Variants in ISLR2 observed in about 807,000 individuals in gnomAD.
ISLR2 encodes the protein immunoglobulin superfamily containing leucine-rich repeat protein 2.
ISLR2 carries 16 observed loss-of-function variants against 25.5 expected under a neutral mutation model. The ratio of observed to expected loss-of-function variants is 0.63; its 90% confidence interval spans 0.43 to 0.95. The LOEUF (loss-of-function observed/expected upper bound fraction) is 0.95. ISLR2 is among the 40% of genes least tolerant of loss of function. The pLI, the probability that ISLR2 is intolerant of heterozygous loss-of-function variation, is 0.00. For missense variants in ISLR2, 883 were observed against 1,030.7 expected (o/e 0.86, Z 1.96); for synonymous variants, 508 against 486.6 (o/e 1.04, Z -0.58).
chr15:74,116,303 G>C (rs1424733179), intron 2 of ISLR2, among the ~76,000 whole-genome samples: 1 of 150,864 alleles, frequency 6.6e-6, no homozygotes, highest in South Asian at 2.1e-4. Flanking sequence ...GCTCACGCCT[G>C]TAATCATGCC....
chr15:74,138,562 T>C (rs946604992), downstream of ISLR2: 1 of 152,572 alleles, frequency 6.6e-6, no homozygotes, highest in Non-Finnish European at 1.5e-5. Context: ...AGAAGAGTTC[T>C]ACTTGAAAGA....
chr15:74,121,817 CT>C (rs1475159192), intron 2 of ISLR2, among the ~76,000 whole-genome samples: 1 of 152,216 alleles, frequency 6.6e-6, no homozygotes, highest in Non-Finnish European at 1.5e-5. Flanking sequence ...GTTCTCCTCC[CT>C]CCAGATCTCT....
At chr15:74,108,568 A>G (rs1302402011) in intron 2 of ISLR2, among the ~76,000 whole-genome samples, 1 of 152,200 alleles carries the variant, frequency 6.6e-6, no homozygotes, top group Non-Finnish European at 1.5e-5. Context: ...TTTCCTGTGA[A>G]AAGTGAAACT....
chr15:74,109,334 C>G (rs2072147692), intron 2 of ISLR2, among the ~76,000 whole-genome samples: 1 of 151,888 alleles, frequency 6.6e-6, no homozygotes, highest in Admixed American at 6.6e-5. Context: ...TTGGGCAAGT[C>G]TCTCCCTCCT....
chr15:74,105,538 G>A (rs1408379443), intron 2 of ISLR2, among the ~76,000 whole-genome samples: 4 of 117,672 alleles, frequency 3.4e-5, no homozygotes, highest in South Asian at 3.6e-4. Flanking sequence ...CAGTCAGCAC[G>A]GATCTGCTCC....
chr15:74,111,711 C>G (rs1401072991), intron 2 of ISLR2, among the ~76,000 whole-genome samples: 1 of 152,096 alleles, frequency 6.6e-6, no homozygotes, highest in Non-Finnish European at 1.5e-5. Context: ...GCTGGAACTA[C>G]AAGCCCGTGC....
At chr15:74,113,352 T>C (rs1227052899) in intron 2 of ISLR2, among the ~76,000 whole-genome samples, 1 of 152,242 alleles carries the variant, frequency 6.6e-6, no homozygotes, top group African/African-American at 2.4e-5. Context: ...GGTTATGCCA[T>C]GTTGCCCAGG....
chr15:74,112,544 G>T (rs6495088), intron 2 of ISLR2, among the ~76,000 whole-genome samples: 109,451 of 145,968 alleles, frequency 0.75, 40,604 homozygotes, highest in Non-Finnish European at 0.78. Context: ...TTTTTTTTTT[G>T]GAAATGGATT....
rs773065349 is a variant in ISLR2 at position 74,133,366 on chromosome 15, C to T, written c.612C>T (p.Pro204=). The T allele has an allele frequency of 1.2e-6, 2 of 1,607,986 alleles. No individual in the cohort carries two copies. The highest frequency in any genetic ancestry group is 1.3e-5 in the African/African-American group (1 of 74,948). ...AWAASTRVSL[P]EPDSIACASP... ...CCGCGAGCACCCGGGTGTCCTTACC[C>T]GAGCCCGACTCCATTGCTTGTGCCT... The change falls in exon 3 of 3, where the codon CCC becomes CCT. Residue 204 remains proline (P), a synonymous_variant. Coordinates refer to ENST00000453268, the MANE Select transcript of ISLR2 (RefSeq NM_020851.3).
chr15:74,116,144 C>T (rs1311329149), intron 2 of ISLR2, among the ~76,000 whole-genome samples: 2 of 151,906 alleles, frequency 1.3e-5, no homozygotes, highest in African/African-American at 4.8e-5. Context: ...TTGCAGTGAG[C>T]TGTGATTGTG....
Position 74,134,022 on chromosome 15 carries a change from C to T in ISLR2, c.1268C>T (p.Ala423Val), listed in dbSNP as rs1183754833. The T allele has an allele frequency of 1.9e-6, 3 of 1,613,282 alleles. No individual in the cohort carries two copies. In the Admixed American group the frequency reaches 5.0e-5, roughly 27 times the overall value. The change falls in exon 3 of 3, where the codon GCC (alanine) becomes GTC (valine). Residue 423 changes from alanine to valine, a missense_variant. Ala to Val is a moderately conservative substitution (Grantham distance 64). Around this residue, in one of 2 missense-constraint regions of ISLR2, gnomAD observed 612 missense variants for 642.8 expected, o/e 0.95. Coordinates refer to ENST00000453268, the MANE Select transcript of ISLR2 (RefSeq NM_020851.3). The part of the protein sequence containing the change: ...PEGKIKGQGL[A>V]KVSILGETET... ...GGCAAAATCAAAGGCCAAGGCCTGGCCAAGGTCAGCATTCTCGGGGAGACC... is the reference window on the plus strand; with the variant it reads ...GGCAAAATCAAAGGCCAAGGCCTGGTCAAGGTCAGCATTCTCGGGGAGACC...
chr15:74,118,795 C>T (rs1384725743), intron 2 of ISLR2, among the ~76,000 whole-genome samples: 1 of 151,896 alleles, frequency 6.6e-6, no homozygotes, highest in African/African-American at 2.4e-5. Context: ...ATAGCTGGGA[C>T]TACAGGTGTC....
intron 2 of ISLR2, among the ~76,000 whole-genome samples, chr15:74,108,103 G>A (rs918020963): frequency 5.9e-5 from 9 of 152,190 alleles, no homozygotes; most frequent in Non-Finnish European, 1.5e-5. Flanking sequence ...GCTCAGGGAG[G>A]GGCGGGGTCA....
Position 74,135,287 on chromosome 15 carries a change from C to G in ISLR2, c.*295C>G, listed in dbSNP as rs563166736. Reference sequence around the variant, plus strand: ...CGCAGACGGTGGGCGATATCTATGTCCCTCCATTCCCGTCGCGATTATCTG... The same window carrying G: ...CGCAGACGGTGGGCGATATCTATGTGCCTCCATTCCCGTCGCGATTATCTG... On this transcript the variant is annotated 3_prime_UTR_variant, in exon 3 of 3. Coordinates refer to ENST00000453268, the MANE Select transcript of ISLR2 (RefSeq NM_020851.3). 2.7e-6 allele frequency: 1 copy of G among 368,344 alleles called. No individual in the cohort carries two copies. The highest frequency in any genetic ancestry group is 5.1e-5 in the South Asian group (1 of 19,468). 22.8% of individuals were successfully genotyped at this position (368,344 alleles called of 1,614,324 possible).
At chr15:74,112,601 C>T (rs543846115) in intron 2 of ISLR2, among the ~76,000 whole-genome samples, 3 of 150,816 alleles carry the variant, frequency 2.0e-5, no homozygotes, top group South Asian at 4.2e-4. Flanking sequence ...CATCTCAGCT[C>T]GCTGCAACCT....
At chr15:74,124,375 A>G (rs1051833110), upstream of ISLR2, among the ~76,000 whole-genome samples, 1 of 152,148 alleles carries the variant, frequency 6.6e-6, no homozygotes, top group Non-Finnish European at 1.5e-5. Context: ...AGAGATAAAC[A>G]GTCCTATGAC....
upstream of ISLR2, chr15:74,126,075 T>G (rs1200690214): frequency 6.6e-6 from 1 of 151,858 alleles, no homozygotes; most frequent in Non-Finnish European, 1.5e-5. Context: ...ATACCCATGG[T>G]GTGTGTGTGT....
At chr15:74,118,590 G>A (rs994028552) in intron 2 of ISLR2, among the ~76,000 whole-genome samples, 1 of 151,932 alleles carries the variant, frequency 6.6e-6, no homozygotes, top group East Asian at 1.9e-4. Flanking sequence ...CTGAAAAAAT[G>A]GGTAGGTAAT....
downstream of ISLR2, among the ~76,000 whole-genome samples, chr15:74,141,468 GAATT>G (rs2072610524): frequency 6.6e-6 from 1 of 152,184 alleles, no homozygotes; most frequent in Non-Finnish European, 1.5e-5. Flanking sequence ...TAGGAATGGA[GAATT>G]AATTATCAAA....
Sources: gnomAD v4.1 joint callset for allele counts (sites outside exome capture counted in the v4.1 genomes callset) on GRCh38, gnomAD v4.1.1 for gene constraint, gnomAD v4.1.1 regional missense constraint, MANE v1.5 for transcripts, NCBI Gene and HGNC (gene_info 2026-07-23, HGNC 2026-07-21) for gene names.